TEC: variants seen among roughly 807,000 people sequenced by gnomAD.
TEC encodes tec protein tyrosine kinase.
TEC carries 72 observed loss-of-function variants against 93.0 expected under a neutral mutation model. The observed-to-expected ratio is 0.77, with a 90% CI of 0.64 to 0.94. TEC has a LOEUF of 0.94. Among genes scored for constraint, TEC ranks in the 40% least tolerant of loss-of-function variants. TEC has a pLI of 0.00. For synonymous variants in TEC, 249 were observed against 247.7 expected (o/e 1.01, Z -0.05); for missense variants, 630 against 757.9 (o/e 0.83, Z 1.98).
chr4:48,268,984 T>C (rs1446168722), intron 1 of TEC, among the ~76,000 whole-genome samples: 2 of 152,122 alleles, frequency 1.3e-5, no homozygotes, highest in South Asian at 2.1e-4. Context: ...AAATTTAGGA[T>C]TAAAGAAAAT....
At chr4:48,218,408 C>T (rs1723147283) in intron 2 of TEC, among the ~76,000 whole-genome samples, 1 of 152,150 alleles carries the variant, frequency 6.6e-6, no homozygotes, top group Non-Finnish European at 1.5e-5. Context: ...GTGTCAGGAC[C>T]ACAGGCCTGA....
At chr4:48,170,559 G>A (rs1721058894) in intron 4 of TEC, among the ~76,000 whole-genome samples, 183 bp from the exon 5 acceptor site, 1 of 151,926 alleles carries the variant, frequency 6.6e-6, no homozygotes, top group South Asian at 2.1e-4. Flanking sequence ...TTCTTTTTTT[G>A]TGTGTGAAGC....
intron 14 of TEC, 147 bp downstream of exon 14, chr4:48,144,932 G>A (rs1719840334): frequency 1.5e-6 from 1 of 674,284 alleles, no homozygotes; most frequent in South Asian, 1.8e-5. Context: ...TAAAATTACA[G>A]GGCAAGTTAA....
intron 2 of TEC, among the ~76,000 whole-genome samples, chr4:48,194,502 T>TA: frequency 6.6e-6 from 1 of 152,332 alleles, no homozygotes; most frequent in South Asian, 2.1e-4. Flanking sequence ...AAACTGCATA[T>TA]AATGGCAGCT....
chr4:48,199,898 G>T (rs1270169872), intron 2 of TEC, among the ~76,000 whole-genome samples: 1 of 152,146 alleles, frequency 6.6e-6, no homozygotes. Flanking sequence ...CATTTCAACT[G>T]ATCCCCATAA....
chr4:48,254,502 C>T (rs1175977942), intron 1 of TEC, among the ~76,000 whole-genome samples: 2 of 152,076 alleles, frequency 1.3e-5, no homozygotes, highest in South Asian at 2.1e-4. Flanking sequence ...GGGAAGGCAG[C>T]CAGCAGAAGA....
intron 1 of TEC, among the ~76,000 whole-genome samples, chr4:48,230,761 T>C (rs1181085701): frequency 1.3e-5 from 2 of 152,152 alleles, no homozygotes; most frequent in East Asian, 3.8e-4. Context: ...CCAATCAAAA[T>C]AGTCTTCCAA....
intron 7 of TEC, 21 bp from the exon 8 acceptor site, chr4:48,163,788 T>A: frequency 7.5e-7 from 1 of 1,324,918 alleles, no homozygotes; most frequent in South Asian, 1.4e-5. Flanking sequence ...GAAAAATACT[T>A]TAGGTAAACT....
chr4:48,245,702 CA>C (rs1356288330), intron 1 of TEC, among the ~76,000 whole-genome samples: 1 of 151,708 alleles, frequency 6.6e-6, no homozygotes, highest in African/African-American at 2.4e-5. Flanking sequence ...ATAATATAGC[CA>C]AAATTATAAA....
chr4:48,266,838 C>CAA (rs5858113), intron 1 of TEC, among the ~76,000 whole-genome samples: 43 of 132,386 alleles, frequency 3.2e-4, no homozygotes, highest in African/African-American at 1.2e-3. Context: ...AACTCTGTCT[C>CAA]AAAAAAAAAA....
At chr4:48,142,165 T>C (rs16861048) in intron 14 of TEC, among the ~76,000 whole-genome samples, 4,143 of 152,258 alleles carry the variant, frequency 0.027, 188 homozygotes, top group African/African-American at 0.094. Context: ...CAGTGATTGG[T>C]CATCTCATCC....
intron 1 of TEC, among the ~76,000 whole-genome samples, chr4:48,234,311 C>T (rs1437477559): frequency 6.6e-6 from 1 of 152,100 alleles, no homozygotes; most frequent in African/African-American, 2.4e-5. Context: ...GCCAAAATAC[C>T]AAAACAAAGC....
chr4:48,179,366 ATATATATATATTTTTTT>A (rs1432635282), intron 2 of TEC, among the ~76,000 whole-genome samples: 1 of 37,086 alleles, frequency 2.7e-5, no homozygotes, highest in African/African-American at 1.0e-4. Flanking sequence ...ATATATATAT[ATATATATATATTTTTTT>A]TTTTTTTTTT....
intron 8 of TEC, among the ~76,000 whole-genome samples, chr4:48,159,968 G>T (rs955466717): frequency 6.6e-6 from 1 of 152,158 alleles, no homozygotes. Flanking sequence ...CTTCCCCCAG[G>T]CCCCTGCTCC....
At chr4:48,229,226 G>GTCCT in intron 1 of TEC, among the ~76,000 whole-genome samples, 2 of 152,308 alleles carry the variant, frequency 1.3e-5, no homozygotes, top group South Asian at 4.1e-4. Flanking sequence ...ATGCTCCAGA[G>GTCCT]TTCTCTTCCC....
At chr4:48,186,126 C>G (rs58651988) in intron 2 of TEC, among the ~76,000 whole-genome samples, 10,466 of 152,264 alleles carry the variant, frequency 0.069, 921 homozygotes, top group East Asian at 0.22. Context: ...CCCGAGGTGC[C>G]GGGATTGCAG....
chr4:48,205,703 TA>T (rs1722694337), intron 2 of TEC, among the ~76,000 whole-genome samples: 2 of 152,090 alleles, frequency 1.3e-5, no homozygotes, highest in African/African-American at 2.4e-5. Flanking sequence ...ATAACAAGTG[TA>T]AAGAAGGATT....
At chr4:48,198,131 A>AACC (rs1722364196) in intron 2 of TEC, among the ~76,000 whole-genome samples, 21 of 152,280 alleles carry the variant, frequency 1.4e-4, no homozygotes, top group Admixed American at 1.4e-3. Context: ...CTGGTGATGT[A>AACC]TTGAGTTTCC....
intron 1 of TEC, among the ~76,000 whole-genome samples, chr4:48,243,027 C>G (rs544738426): frequency 6.6e-6 from 1 of 152,230 alleles, no homozygotes; most frequent in Non-Finnish European, 1.5e-5. Flanking sequence ...CCCACTTGTT[C>G]CTCATTTTAC....
Sources: allele counts gnomAD v4.1 joint callset (sites outside exome capture counted in the v4.1 genomes callset), GRCh38; gene constraint gnomAD v4.1.1; transcripts MANE v1.5; gene names NCBI Gene and HGNC (gene_info 2026-07-23, HGNC 2026-07-21).